PDZRN3: variants seen among roughly 807,000 people sequenced by gnomAD.
PDZRN3 encodes PDZ domain containing ring finger 3, also known as E3 ubiquitin-protein ligase PDZRN3.
In PDZRN3, 38 loss-of-function variants were observed where a neutral mutation model predicts 85.7. The observed-to-expected ratio is 0.44, with a 90% CI of 0.34 to 0.58. PDZRN3 has a LOEUF of 0.58. Among genes scored for constraint, PDZRN3 ranks in the 20% least tolerant of loss-of-function variants. The pLI, the probability that PDZRN3 is intolerant of heterozygous loss-of-function variation, is 0.01. For synonymous variants in PDZRN3, 759 were observed against 638.0 expected (o/e 1.19, Z -2.86); for missense variants, 1,629 against 1,506.4 (o/e 1.08, Z -1.35).
At chr3:73,529,438 C>A (rs971224043) in intron 3 of PDZRN3, among the ~76,000 whole-genome samples, 3 of 152,208 alleles carry the variant, frequency 2.0e-5, no homozygotes, top group African/African-American at 7.2e-5. Flanking sequence ...CCACAGTCCC[C>A]ACCCCTCCCC....
At position 73,583,772 on chromosome 3, in the gene PDZRN3, G is replaced by T. The variant is rs572857433; in HGVS notation, c.918+18582C>A. On this transcript the variant is annotated intron_variant, in intron 3 of 9. Coordinates refer to ENST00000263666, the MANE Select transcript of PDZRN3 (RefSeq NM_015009.3). ...TTATGATAGCAAATAGCTCACAAAC[G>T]TATGATGGAAGGACTGATCCCACCT... Among the ~76,000 whole-genome samples, 6 of 152,192 alleles carry T rather than the reference G, an allele frequency of 3.9e-5. No individual in the cohort carries two copies. The South Asian group carries it at 1.2e-3, about 32-fold the overall frequency.
chr3:73,430,165 G>A (rs1702402296), intron 3 of PDZRN3, among the ~76,000 whole-genome samples: 2 of 152,172 alleles, frequency 1.3e-5, no homozygotes, highest in South Asian at 4.1e-4. Flanking sequence ...CTTTGAAATA[G>A]GGATGACAGT....
chr3:73,617,749 G>T (rs1386206448), intron 1 of PDZRN3, among the ~76,000 whole-genome samples: 3 of 152,020 alleles, frequency 2.0e-5, no homozygotes, highest in African/African-American at 7.2e-5. Flanking sequence ...TGCCCAGGCT[G>T]GAGTGCACTG....
rs761245782 is a variant in PDZRN3 at position 73,562,097 on chromosome 3, CAG to C, written c.918+40255_918+40256del. ...CTGGTTTGATTTACAGTTTCTAAAA[CAG>C]AATAGAAAAGCCTAAATCCCCATTA... On this transcript the variant is annotated intron_variant, in intron 3 of 9. Transcript: ENST00000263666. 5.3e-5 allele frequency among the ~76,000 whole-genome samples: 8 copies of C among 152,078 alleles called. No individual in the cohort carries two copies. In the East Asian group the frequency reaches 1.2e-3, roughly 22 times the overall value.
chr3:73,549,454 T>C (rs1240402468), intron 3 of PDZRN3, among the ~76,000 whole-genome samples: 1 of 152,108 alleles, frequency 6.6e-6, no homozygotes. Flanking sequence ...TCCCAAGTCT[T>C]TGGACACAGA....
At chr3:73,622,227 G>T (rs751583821) in intron 1 of PDZRN3, among the ~76,000 whole-genome samples, 1 of 152,220 alleles carries the variant, frequency 6.6e-6, no homozygotes, top group South Asian at 2.1e-4. Context: ...TTTGCCCTTC[G>T]CCCAGAGCTG....
intron 8 of PDZRN3, 79 bp from the exon 9 acceptor site, chr3:73,385,864 C>T: frequency 3.6e-6 from 3 of 838,978 alleles, no homozygotes; most frequent in Non-Finnish European, 6.1e-6. Context: ...ATGACATTAC[C>T]TTGGGGGAAA....
At position 73,553,330 on chromosome 3, in the gene PDZRN3, T is replaced by C. The variant is rs1048790907; in HGVS notation, c.918+49024A>G. 1.1e-4 allele frequency among the ~76,000 whole-genome samples: 16 copies of C among 152,148 alleles called. No individual in the cohort carries two copies. The East Asian group carries it at 1.8e-3, about 17-fold the overall frequency. ...GGCTCACACCTGTAATCCCAGCACT[T>C]TGGGAGGCCGAGGCGGGTGGATCAC... On this transcript the variant is annotated intron_variant, in intron 3 of 9. Transcript: ENST00000263666.
chr3:73,401,621 T>G (rs1349887183), intron 4 of PDZRN3: 1 of 152,446 alleles, frequency 6.6e-6, no homozygotes, highest in Non-Finnish European at 1.5e-5. Context: ...ATATAATGAG[T>G]ACACACACAT....
chr3:73,456,370 CA>C (rs2106854308), intron 3 of PDZRN3, among the ~76,000 whole-genome samples: 1 of 152,306 alleles, frequency 6.6e-6, no homozygotes, highest in African/African-American at 2.4e-5. Context: ...TCATCCTAAA[CA>C]AAGTCCCAAG....
At chr3:73,486,563 C>G (rs1030786011) in intron 3 of PDZRN3, among the ~76,000 whole-genome samples, 3 of 152,224 alleles carry the variant, frequency 2.0e-5, no homozygotes, top group African/African-American at 7.2e-5. Flanking sequence ...GGACGTAAGA[C>G]AACGTGAATG....
At chr3:73,497,859 A>G (rs1029805204) in intron 3 of PDZRN3, among the ~76,000 whole-genome samples, 1 of 151,080 alleles carries the variant, frequency 6.6e-6, no homozygotes, top group African/African-American at 2.5e-5. Flanking sequence ...CAGGGGCACG[A>G]CTCGAACCTC....
intron 3 of PDZRN3, among the ~76,000 whole-genome samples, chr3:73,446,503 G>A (rs1012523735): frequency 3.3e-5 from 5 of 152,254 alleles, no homozygotes; most frequent in Middle Eastern, 3.4e-3. Context: ...AACTTCATGC[G>A]TTAGTACCTT....
At position 73,552,225 on chromosome 3, in the gene PDZRN3, A is replaced by AGTGTGTGT. The variant is rs55784793; in HGVS notation, c.918+50121_918+50128dup. ...TTAGGTTTCACGTGGGAATTAAAGGAGTGTGTGTGTGTGTGTGTGTGTGTG... is the reference window on the plus strand; with the variant it reads ...TTAGGTTTCACGTGGGAATTAAAGGAGTGTGTGTGTGTGTGTGTGTGTGTGTGTGTGTG... On this transcript the variant is annotated intron_variant, in intron 3 of 9. Transcript: ENST00000263666. Among the ~76,000 whole-genome samples the AGTGTGTGT allele has an allele frequency of 9.4e-3, 1,391 of 147,844 alleles. 20 individuals carry two copies. The highest frequency in any genetic ancestry group is 0.029 in the African/African-American group (1,155 of 39,886).
At chr3:73,511,039 A>G (rs1704154287) in intron 3 of PDZRN3, among the ~76,000 whole-genome samples, 1 of 152,208 alleles carries the variant, frequency 6.6e-6, no homozygotes, top group South Asian at 2.1e-4. Context: ...AAATATTCAG[A>G]TATCGCTTTT....
chr3:73,600,331 A>ACT (rs1236234605), intron 3 of PDZRN3, among the ~76,000 whole-genome samples: 7 of 86,018 alleles, frequency 8.1e-5, no homozygotes, highest in South Asian at 9.9e-4. Context: ...ACACACACAC[A>ACT]CACACACTCT....
rs182992747 is a variant in PDZRN3 at position 73,546,525 on chromosome 3, G to A, written c.918+55829C>T. 6.6e-5 allele frequency among the ~76,000 whole-genome samples: 10 copies of A among 152,312 alleles called. No homozygotes were observed. The East Asian group carries it at 1.3e-3, about 21-fold the overall frequency. ...ATACTTGTGCCATGCCCATTCATCA[G>A]TGAGGAAACAGCTTCAATACAAGCT... On this transcript the variant is annotated intron_variant, in intron 3 of 9. Coordinates refer to ENST00000263666, the MANE Select transcript of PDZRN3 (RefSeq NM_015009.3).
rs537077796 is a variant in PDZRN3 at position 73,389,889 on chromosome 3, C to T, written c.1354-11G>A. On this transcript the variant is annotated splice_polypyrimidine_tract_variant and intron_variant, in intron 6 of 9. Coordinates refer to ENST00000263666, the MANE Select transcript of PDZRN3 (RefSeq NM_015009.3). ...GCTGTTAGGGTCAATCTGAAACACA[C>T]ATGGACCATCTCAGCGCAAACGCAG... The T allele has an allele frequency of 1.2e-6, 2 of 1,608,796 alleles. No homozygotes were observed. Among genetic ancestry groups the T allele is most frequent in the South Asian group, 2.2e-5 (2 of 90,990 alleles).
chr3:73,470,790 C>T lies in PDZRN3; in HGVS notation c.919-66395G>A, dbSNP rs753726296. ...CAAAGACCCACTGTGCCAATCATTC[C>T]GACCAACTAGTCCCAAACGGACATT... is the stretch of plus-strand genomic sequence containing the variant. On this transcript the variant is annotated intron_variant, in intron 3 of 9. Coordinates refer to ENST00000263666, the MANE Select transcript of PDZRN3 (RefSeq NM_015009.3). 8.1e-4 allele frequency among the ~76,000 whole-genome samples: 124 copies of T among 152,252 alleles called. 2 individuals carry two copies. Among genetic ancestry groups the T allele is most frequent in the East Asian group, 7.7e-4 (4 of 5,176 alleles).
Sources: allele counts gnomAD v4.1 joint callset (sites outside exome capture counted in the v4.1 genomes callset), GRCh38; gene constraint gnomAD v4.1.1; transcripts MANE v1.5; gene names NCBI Gene and HGNC (gene_info 2026-07-23, HGNC 2026-07-21).